Variants in CLVS1 observed in about 807,000 individuals in gnomAD.
CLVS1 encodes the protein clavesin-1.
A neutral mutation model predicts 33.1 loss-of-function variants in CLVS1; 10 were observed. That is an observed-to-expected ratio of 0.30 (90% CI 0.19 to 0.51). The LOEUF (loss-of-function observed/expected upper bound fraction) is 0.51, where lower values mean the gene tolerates loss of function less well. Ranked by LOEUF, CLVS1 falls within the 20% of genes least tolerant of loss-of-function variation. The probability of loss-of-function intolerance (pLI) is 0.97; values close to 1 mark genes in which losing one functional copy is unlikely to be tolerated. For missense variants in CLVS1, 343 were observed against 433.4 expected (o/e 0.79, Z 1.85); for synonymous variants, 163 against 166.1 (o/e 0.98, Z 0.14).
intron 2 of CLVS1, among the ~76,000 whole-genome samples, chr8:61,347,308 A>C (rs543657301): frequency 6.6e-6 from 1 of 152,218 alleles, no homozygotes; most frequent in East Asian, 1.9e-4. Flanking sequence ...TCCTGACGCT[A>C]CTTCCTGCAG....
chr8:61,068,545 G>A (rs903531214), intron 1 of CLVS1, among the ~76,000 whole-genome samples: 4 of 151,948 alleles, frequency 2.6e-5, no homozygotes, highest in Non-Finnish European at 5.9e-5. Context: ...AGCCTCCCCC[G>A]ACTCCTCTCA....
chr8:61,320,325 A>G (rs1223620604), intron 2 of CLVS1, among the ~76,000 whole-genome samples: 2 of 151,940 alleles, frequency 1.3e-5, no homozygotes, highest in African/African-American at 4.8e-5. Flanking sequence ...TTTTTGCTGT[A>G]TACATTTTAT....
At chr8:61,416,301 G>GATA (rs1563543575) in intron 3 of CLVS1, among the ~76,000 whole-genome samples, 1,582 of 137,140 alleles carry the variant, frequency 0.012, 13 homozygotes, top group Middle Eastern at 0.022. Flanking sequence ...TAGCTAGCTA[G>GATA]CTAGATACAT....
chr8:61,121,413 ATT>A (rs1206182354), intron 1 of CLVS1, among the ~76,000 whole-genome samples: 1 of 151,388 alleles, frequency 6.6e-6, no homozygotes, highest in African/African-American at 2.4e-5. Context: ...GGCAACTCTT[ATT>A]TTTTCAACTA....
chr8:61,464,589 G>A (rs970074566), intron 5 of CLVS1: 2 of 152,276 alleles, frequency 1.3e-5, no homozygotes, highest in African/African-American at 2.4e-5. Flanking sequence ...TGTCCAGGAA[G>A]ACTCTCAGAG....
intron 2 of CLVS1, among the ~76,000 whole-genome samples, chr8:61,190,189 C>T (rs182320428): frequency 1.3e-3 from 197 of 152,270 alleles, no homozygotes; most frequent in African/African-American, 4.2e-3. Context: ...GACCACAGTG[C>T]GATCAAACTA....
chr8:61,324,857 A>G (rs951583053), intron 2 of CLVS1, among the ~76,000 whole-genome samples: 9 of 152,102 alleles, frequency 5.9e-5, no homozygotes, highest in African/African-American at 1.9e-4. Flanking sequence ...ACAAGCAGAG[A>G]ACAGTAATTC....
intron 3 of CLVS1, among the ~76,000 whole-genome samples, chr8:61,378,911 A>C (rs533298635): frequency 6.6e-6 from 1 of 152,190 alleles, no homozygotes; most frequent in Non-Finnish European, 1.5e-5. Flanking sequence ...TACTAAGCAG[A>C]GTTCATTCCT....
At chr8:61,396,402 T>A (rs759912079) in intron 3 of CLVS1, among the ~76,000 whole-genome samples, 1 of 152,122 alleles carries the variant, frequency 6.6e-6, no homozygotes, top group Non-Finnish European at 1.5e-5. Context: ...AAGAAAAAAA[T>A]AAAAATCAAC....
At chr8:61,093,357 C>A (rs979840486) in intron 1 of CLVS1, among the ~76,000 whole-genome samples, 1 of 152,174 alleles carries the variant, frequency 6.6e-6, no homozygotes, top group Admixed American at 6.5e-5. Flanking sequence ...ATTTGTAATG[C>A]AGCCTCTATG....
chr8:61,167,201 T>G (rs1415096198), intron 2 of CLVS1, among the ~76,000 whole-genome samples: 2 of 150,442 alleles, frequency 1.3e-5, no homozygotes, highest in African/African-American at 2.4e-5. Flanking sequence ...TAATTTTTTT[T>G]TTTTTTTTTT....
intron 2 of CLVS1, among the ~76,000 whole-genome samples, chr8:61,147,975 A>T (rs1433666875): frequency 6.6e-6 from 1 of 152,228 alleles, no homozygotes; most frequent in Non-Finnish European, 1.5e-5. Flanking sequence ...TGTATTCTGA[A>T]CTGGTGAGCC....
chr8:61,200,056 A>G (rs930194674), intron 2 of CLVS1, among the ~76,000 whole-genome samples: 1 of 152,200 alleles, frequency 6.6e-6, no homozygotes, highest in African/African-American at 2.4e-5. Flanking sequence ...TAATAAAACT[A>G]TCACTGCAAT....
At chr8:61,012,306 TCTC>T in the CLVS1 span, among the ~76,000 whole-genome samples, 1 of 152,230 alleles carries the variant, frequency 6.6e-6, no homozygotes, top group Non-Finnish European at 1.5e-5. Context: ...TTTTGCACTC[TCTC>T]TCTTTCCTCC....
chr8:61,326,528 A>T (rs932355157), intron 2 of CLVS1, among the ~76,000 whole-genome samples: 1 of 152,188 alleles, frequency 6.6e-6, no homozygotes, highest in African/African-American at 2.4e-5. Context: ...CTGGTACCAC[A>T]TTCTATTTGT....
the CLVS1 span, among the ~76,000 whole-genome samples, chr8:60,995,284 G>T: frequency 1.3e-5 from 2 of 151,752 alleles, no homozygotes; most frequent in African/African-American, 4.8e-5. Context: ...CTAATATCCA[G>T]AATCTACAAT....
chr8:61,241,009 G>A (rs1808688455), intron 2 of CLVS1, among the ~76,000 whole-genome samples: 1 of 150,678 alleles, frequency 6.6e-6, no homozygotes, highest in Non-Finnish European at 1.5e-5. Context: ...AGTTCTGGAG[G>A]CTGGGAAGTC....
At chr8:61,483,186 G>C (rs1346086913) in intron 5 of CLVS1, among the ~76,000 whole-genome samples, 1 of 152,098 alleles carries the variant, frequency 6.6e-6, no homozygotes, top group East Asian at 1.9e-4. Flanking sequence ...AAAATTGATA[G>C]ACCACTAGCA....
At chr8:61,421,710 G>A (rs972226607) in intron 3 of CLVS1, among the ~76,000 whole-genome samples, 1 of 152,182 alleles carries the variant, frequency 6.6e-6, no homozygotes, top group African/African-American at 2.4e-5. Context: ...CAACTTCACA[G>A]CCCCTCAATC....
Sources: allele counts gnomAD v4.1 joint callset (sites outside exome capture counted in the v4.1 genomes callset), GRCh38; gene constraint gnomAD v4.1.1; transcripts MANE v1.5; gene names NCBI Gene and HGNC (gene_info 2026-07-23, HGNC 2026-07-21).